The following SMAP1 variants were observed in gnomAD, a reference collection of about 807,000 sequenced individuals.
SMAP1 encodes stromal membrane-associated protein 1.
In SMAP1, 24 loss-of-function variants were observed where a neutral mutation model predicts 58.5. The observed-to-expected ratio is 0.41, with a 90% CI of 0.30 to 0.58. The LOEUF is 0.58. SMAP1 is among the 20% of genes least tolerant of loss of function. The probability of loss-of-function intolerance (pLI) is 0.29; values close to 1 mark genes in which losing one functional copy is unlikely to be tolerated. For missense variants in SMAP1, 563 were observed against 566.3 expected (o/e 0.99, Z 0.06); for synonymous variants, 216 against 196.6 (o/e 1.10, Z -0.82).
In SMAP1 at chr6:70,860,431, T is replaced by C. The variant is rs1310113226; in HGVS notation, c.*97T>C. On this transcript the variant is annotated 3_prime_UTR_variant, in exon 11 of 11. Coordinates refer to ENST00000370455, the MANE Select transcript of SMAP1 (RefSeq NM_001044305.3). Reference sequence around the variant, plus strand: ...TTATTCATATGCATATTTTTTTTCTTTTTACCCATTTGTTCATATTAAGAA... The same window carrying C: ...TTATTCATATGCATATTTTTTTTCTCTTTACCCATTTGTTCATATTAAGAA... The C allele has an allele frequency of 7.1e-7, 1 of 1,414,056 alleles. No individual in the cohort carries two copies. The highest frequency in any genetic ancestry group is 2.5e-5 in the Admixed American group (1 of 39,886). 87.6% of individuals were successfully genotyped at this position (1,414,056 alleles called of 1,614,324 possible).
intron 7 of SMAP1, among the ~76,000 whole-genome samples, chr6:70,844,674 A>G (rs1265224913): frequency 6.6e-6 from 1 of 152,262 alleles, no homozygotes; most frequent in Admixed American, 6.5e-5. Flanking sequence ...ACACTTAAAC[A>G]AATTGAAAAC....
chr6:70,752,738 C>T (rs564719401), intron 2 of SMAP1, among the ~76,000 whole-genome samples: 2 of 152,116 alleles, frequency 1.3e-5, no homozygotes, highest in South Asian at 4.2e-4. Flanking sequence ...CACTGCTCCC[C>T]TACCTCCCAC....
At chr6:70,769,926 G>A (rs1333857206) in intron 3 of SMAP1, among the ~76,000 whole-genome samples, 2 of 151,496 alleles carry the variant, frequency 1.3e-5, no homozygotes, top group Non-Finnish European at 2.9e-5. Context: ...CTTCCTTCAG[G>A]AGCTCTCTTA....
chr6:70,807,755 A>G (rs1045614788), intron 6 of SMAP1, among the ~76,000 whole-genome samples: 5 of 152,126 alleles, frequency 3.3e-5, no homozygotes, highest in Admixed American at 2.0e-4. Flanking sequence ...TTTTCTGGTT[A>G]TAGTACTATT....
At chr6:70,689,560 C>A (rs1289728249) in intron 1 of SMAP1, among the ~76,000 whole-genome samples, 2 of 152,028 alleles carry the variant, frequency 1.3e-5, no homozygotes, top group Non-Finnish European at 2.9e-5. Context: ...TTCTAGGTTT[C>A]TTGAATTTTC....
chr6:70,804,236 G>A (rs1011614279), intron 6 of SMAP1, among the ~76,000 whole-genome samples: 3 of 151,676 alleles, frequency 2.0e-5, no homozygotes, highest in African/African-American at 7.3e-5. Flanking sequence ...TTACCGTTAT[G>A]TAATGGCTTT....
intron 7 of SMAP1, among the ~76,000 whole-genome samples, chr6:70,840,029 A>G (rs1381781640): frequency 6.6e-6 from 1 of 152,142 alleles, no homozygotes; most frequent in East Asian, 1.9e-4. Context: ...TTTCCCCTGT[A>G]AATTGAAACA....
intron 7 of SMAP1, among the ~76,000 whole-genome samples, chr6:70,849,690 T>C (rs1771114175): frequency 6.6e-6 from 1 of 152,222 alleles, no homozygotes; most frequent in African/African-American, 2.4e-5. Flanking sequence ...AAGAAGACTA[T>C]TTTTGTATGA....
intron 4 of SMAP1, among the ~76,000 whole-genome samples, chr6:70,781,086 GGCTT>G (rs998972861): frequency 9.2e-5 from 14 of 152,100 alleles, no homozygotes; most frequent in Admixed American, 9.2e-4. Flanking sequence ...GAGAAATCTT[GGCTT>G]GAGTTCTGTT....
chr6:70,785,701 G>T (rs1209970736), intron 4 of SMAP1, among the ~76,000 whole-genome samples: 1 of 152,182 alleles, frequency 6.6e-6, no homozygotes, highest in African/African-American at 2.4e-5. Context: ...AGAAAATCTA[G>T]AAGAAATGGA....
intron 1 of SMAP1, among the ~76,000 whole-genome samples, chr6:70,691,996 C>T (rs1302930940): frequency 2.0e-5 from 3 of 152,064 alleles, no homozygotes; most frequent in Admixed American, 6.6e-5. Context: ...ATTGCTGGAT[C>T]GTATGGTAGG....
intron 7 of SMAP1, among the ~76,000 whole-genome samples, chr6:70,837,340 TTCTC>T (rs1042196240): frequency 1.6e-4 from 24 of 151,970 alleles, no homozygotes; most frequent in Admixed American, 3.9e-4. Context: ...TTATTTTCTC[TTCTC>T]TCTCTCTCTT....
chr6:70,768,359 G>A (rs1274380671), intron 3 of SMAP1, among the ~76,000 whole-genome samples: 10 of 152,120 alleles, frequency 6.6e-5, no homozygotes, highest in South Asian at 2.1e-4. Flanking sequence ...GGTAGAATTC[G>A]GCTGTGAATC....
intron 3 of SMAP1, among the ~76,000 whole-genome samples, chr6:70,758,100 G>A (rs1355658371): frequency 6.6e-6 from 1 of 151,364 alleles, no homozygotes; most frequent in Non-Finnish European, 1.5e-5. Context: ...ATTCACAATA[G>A]CAAAGACTTG....
intron 5 of SMAP1, among the ~76,000 whole-genome samples, chr6:70,793,059 G>A (rs1178520516): frequency 6.6e-6 from 1 of 151,704 alleles, no homozygotes; most frequent in Non-Finnish European, 1.5e-5. Context: ...TTTTTGAGAC[G>A]GAGTCTTGCT....
intron 1 of SMAP1, among the ~76,000 whole-genome samples, chr6:70,676,959 T>A (rs990758308): frequency 2.5e-4 from 38 of 151,686 alleles, no homozygotes; most frequent in Admixed American, 5.9e-4. Flanking sequence ...TTAAAAAAAA[T>A]TTTTTTGTTG....
chr6:70,678,804 T>G (rs890457777), intron 1 of SMAP1, among the ~76,000 whole-genome samples: 5 of 152,196 alleles, frequency 3.3e-5, no homozygotes. Context: ...TCCTTGATTC[T>G]GCTCCTCCTT....
intron 6 of SMAP1, among the ~76,000 whole-genome samples, chr6:70,835,019 GC>G (rs1279637814): frequency 6.6e-6 from 1 of 151,866 alleles, no homozygotes; most frequent in Non-Finnish European, 1.5e-5. Context: ...GGAGGCCGAG[GC>G]TAGCGGATCA....
At chr6:70,858,297 T>TG (rs1229238104) in intron 10 of SMAP1, 68 bp downstream of exon 10, 179 of 1,220,826 alleles carry the variant, frequency 1.5e-4, no homozygotes, top group South Asian at 3.6e-4. Flanking sequence ...CTTTTTTTTT[T>TG]TTTTTTTTTT....
Sources: gnomAD v4.1 joint callset for allele counts (sites outside exome capture counted in the v4.1 genomes callset) on GRCh38, gnomAD v4.1.1 for gene constraint, MANE v1.5 for transcripts, NCBI Gene and HGNC (gene_info 2026-07-23, HGNC 2026-07-21) for gene names.